The following BRAP variants were observed in gnomAD, a reference collection of about 807,000 sequenced individuals.
The protein encoded by BRAP is BRCA1-associated protein.
In BRAP, 42 loss-of-function variants were observed where a neutral mutation model predicts 73.4. The observed-to-expected ratio is 0.57, with a 90% CI of 0.45 to 0.74. The LOEUF (loss-of-function observed/expected upper bound fraction) is 0.74. Ranked by LOEUF, BRAP falls within the 30% of genes least tolerant of loss-of-function variation. The pLI, the probability that BRAP is intolerant of heterozygous loss-of-function variation, is 0.00. For missense variants in BRAP, 593 were observed against 751.4 expected, an observed-to-expected ratio of 0.79 and a Z score of 2.46; for synonymous variants, 255 against 267.4, an observed-to-expected ratio of 0.95 and a Z score of 0.45.
Position 111,642,511 on chromosome 12 carries a change from G to C in BRAP, c.*1688C>G, listed in dbSNP as rs777810201. ...GATCACAGAGAAATGAGGAGTGAGC[G>C]AGCTTTGTAAACTACTTCTAATTCT... On this transcript the variant is annotated 3_prime_UTR_variant, in exon 12 of 12. Transcript: ENST00000419234. The C allele has an allele frequency of 6.6e-6, 1 of 152,118 alleles. No homozygotes were observed. Among genetic ancestry groups the C allele is most frequent in the African/African-American group, 2.4e-5 (1 of 41,420 alleles). 9.4% of individuals were successfully genotyped at this position (152,118 alleles called of 1,614,324 possible). A position where few individuals can be genotyped will look rare whatever the true frequency, so the allele number is the denominator to read the frequency against.
chr12:111,657,643 G>A (rs1019237166), intron 9 of BRAP, among the ~76,000 whole-genome samples: 1 of 152,116 alleles, frequency 6.6e-6, no homozygotes, highest in African/African-American at 2.4e-5. Flanking sequence ...ACTTTGGGAG[G>A]CTGAGGCAGG....
chr12:111,685,528 T>C (rs1226677402), intron 1 of BRAP, 183 bp downstream of exon 1: 4 of 1,312,122 alleles, frequency 3.0e-6, no homozygotes, highest in Non-Finnish European at 3.9e-6. Context: ...AGGGCTTCCC[T>C]GAGATAACAA....
chr12:111,665,320 A>C lies in BRAP; in HGVS notation c.896+319T>G, dbSNP rs1292291869. Among the ~76,000 whole-genome samples, 1 of 152,168 alleles carries C rather than the reference A, an allele frequency of 6.6e-6. No homozygotes were observed. Among genetic ancestry groups the C allele is most frequent in the Non-Finnish European group, 1.5e-5 (1 of 68,032 alleles). Reference sequence around the variant, plus strand: ...GGCAGACACCAAGTGCAGCTGATACATGAGATTCCAGACCTAGATTTCACT... The same window carrying C: ...GGCAGACACCAAGTGCAGCTGATACCTGAGATTCCAGACCTAGATTTCACT... On this transcript the variant is annotated intron_variant, in intron 6 of 11. Coordinates refer to ENST00000419234, the MANE Select transcript of BRAP (RefSeq NM_006768.5). This position sits in a 1 kb window ranked among gnomAD's most constrained non-coding sequence, Gnocchi z 4.3.
chr12:111,650,218 T>G (rs1886266230), intron 10 of BRAP, among the ~76,000 whole-genome samples, 176 bp from the exon 11 acceptor site: 1 of 152,054 alleles, frequency 6.6e-6, no homozygotes, highest in African/African-American at 2.4e-5. Flanking sequence ...AAAGGTGAGG[T>G]AATCATTTGA....
At chr12:111,649,915 A>G in intron 11 of BRAP, 24 bp downstream of exon 11, 1 of 1,508,504 alleles carries the variant, frequency 6.6e-7, no homozygotes, top group Non-Finnish European at 9.2e-7. Context: ...GCCTGTTACA[A>G]CAGAATAGAC....
At chr12:111,660,701 G>A (rs1407089752) in intron 6 of BRAP, 26 bp from the exon 7 acceptor site, 2 of 1,578,442 alleles carry the variant, frequency 1.3e-6, no homozygotes, top group Admixed American at 3.8e-5. Context: ...AAAGATAATG[G>A]TGCAGGTTAA....
rs536254027 is a variant in BRAP at position 111,685,887 on chromosome 12, A to G, written c.-95T>C. On this transcript the variant is annotated 5_prime_UTR_variant, in exon 1 of 12. Transcript: ENST00000419234. ...GCGGCCCGGGGCCGGCAGCGCCGCC[A>G]CCACCTCAATGCAGTTGCCGCCGCC... is the stretch of plus-strand genomic sequence containing the variant. 2.4e-6 allele frequency: 2 copies of G among 836,774 alleles called. No homozygotes were observed. Among genetic ancestry groups the G allele is most frequent in the East Asian group, 3.5e-5 (1 of 28,800 alleles). The allele number at this position is 836,774 out of a possible 1,614,324, so 51.8% of individuals were successfully genotyped here. A position where few individuals can be genotyped will look rare whatever the true frequency, so the allele number is the denominator to read the frequency against.
At chr12:111,660,707 G>T in intron 6 of BRAP, 32 bp from the exon 7 acceptor site, 1 of 1,569,380 alleles carries the variant, frequency 6.4e-7, no homozygotes, top group Non-Finnish European at 8.6e-7. Context: ...AATGGTGCAG[G>T]TTAAATATAA....
intron 11 of BRAP, among the ~76,000 whole-genome samples, chr12:111,645,786 C>T (rs887768047): frequency 4.0e-5 from 6 of 151,718 alleles, no homozygotes; most frequent in East Asian, 1.9e-4. Flanking sequence ...GAAATGAGTT[C>T]GAGACCAGCC....
At chr12:111,683,654 C>G (rs1340186699) in intron 1 of BRAP, among the ~76,000 whole-genome samples, 1 of 152,180 alleles carries the variant, frequency 6.6e-6, no homozygotes, top group Non-Finnish European at 1.5e-5. Flanking sequence ...GATTCTCCTG[C>G]CCCAGCCTCC....
At chr12:111,661,814 T>C (rs1886765530) in intron 6 of BRAP, among the ~76,000 whole-genome samples, 1 of 149,050 alleles carries the variant, frequency 6.7e-6, no homozygotes, top group South Asian at 2.1e-4. Context: ...CAGGTTCAAA[T>C]GATTCTCCTG....
chr12:111,656,101 C>T (rs1164407005), intron 9 of BRAP, among the ~76,000 whole-genome samples: 1 of 152,160 alleles, frequency 6.6e-6, no homozygotes, highest in Non-Finnish European at 1.5e-5. Flanking sequence ...ACCAGTTTAC[C>T]TGCCTGTCTC....
intron 6 of BRAP, among the ~76,000 whole-genome samples, chr12:111,660,982 ATTT>A (rs574047287): frequency 0.016 from 2,335 of 144,688 alleles, 70 homozygotes; most frequent in African/African-American, 0.055. Context: ...ATTATTTATA[ATTT>A]TTTTTTTTTT....
intron 3 of BRAP, among the ~76,000 whole-genome samples, chr12:111,680,694 A>AAAAAAACAAAAC (rs146114438): frequency 1.3e-4 from 19 of 147,662 alleles, no homozygotes; most frequent in African/African-American, 3.3e-4. Flanking sequence ...CCTGTCTCAA[A>AAAAAAACAAAAC]AAAAAACAAA....
intron 4 of BRAP, among the ~76,000 whole-genome samples, chr12:111,677,683 T>C (rs1887437761): frequency 6.6e-6 from 1 of 152,196 alleles, no homozygotes; most frequent in Non-Finnish European, 1.5e-5. Flanking sequence ...TGAAATGGCT[T>C]AAGGCACGAT....
intron 10 of BRAP, among the ~76,000 whole-genome samples, chr12:111,651,289 C>T (rs983754644): frequency 3.9e-5 from 6 of 152,012 alleles, no homozygotes; most frequent in African/African-American, 1.4e-4. Context: ...CCTGTAATCC[C>T]GGCATTTTGG....
intron 6 of BRAP, among the ~76,000 whole-genome samples, chr12:111,662,465 G>A (rs1187459068): frequency 2.0e-5 from 3 of 152,154 alleles, no homozygotes; most frequent in East Asian, 1.9e-4. Context: ...CAGGAGAATC[G>A]CTTGAACCCA....
chr12:111,685,514 G>A (rs984772229), intron 1 of BRAP, 197 bp downstream of exon 1: 19 of 1,273,380 alleles, frequency 1.5e-5, no homozygotes, highest in East Asian at 6.1e-5. Flanking sequence ...GGGAGGTTCG[G>A]GGCAGGGCTT....
intron 3 of BRAP, among the ~76,000 whole-genome samples, chr12:111,679,989 CTG>C (rs1398732336): frequency 6.6e-6 from 1 of 150,498 alleles, no homozygotes; most frequent in Non-Finnish European, 1.5e-5. Flanking sequence ...CGAGAGAATT[CTG>C]TCTTTTTTTT....
Sources: gnomAD v4.1 joint callset for allele counts (sites outside exome capture counted in the v4.1 genomes callset) on GRCh38, gnomAD v4.1.1 for gene constraint, Gnocchi (gnomAD v3.1) non-coding constraint, MANE v1.5 for transcripts, NCBI Gene and HGNC (gene_info 2026-07-23, HGNC 2026-07-21) for gene names.